Variants in GRID2 observed in about 807,000 individuals in gnomAD.
The protein encoded by GRID2 is glutamate receptor ionotropic, delta-2.
A neutral mutation model predicts 114.8 loss-of-function variants in GRID2; 33 were observed. The ratio of observed to expected loss-of-function variants is 0.29; its 90% CI spans 0.22 to 0.38. The LOEUF is 0.38. Ranked by LOEUF, GRID2 falls within the 10% of genes least tolerant of loss-of-function variation. The probability of loss-of-function intolerance (pLI) is 1.00; values close to 1 mark genes in which losing one functional copy is unlikely to be tolerated. For missense variants in GRID2, 1,184 were observed against 1,257.7 expected, an observed-to-expected ratio of 0.94 and a Z score of 0.89; for synonymous variants, 505 against 449.9, an observed-to-expected ratio of 1.12 and a Z score of -1.55.
chr4:93,390,592 A>G (rs1171116031), intron 8 of GRID2, among the ~76,000 whole-genome samples: 1 of 152,188 alleles, frequency 6.6e-6, no homozygotes, highest in Admixed American at 6.5e-5. Flanking sequence ...GTCTTCTTCT[A>G]GAGCTTCTTA....
chr4:92,766,490 T>C (rs1004124268), intron 2 of GRID2, among the ~76,000 whole-genome samples: 1 of 132,522 alleles, frequency 7.5e-6, no homozygotes, highest in African/African-American at 3.0e-5. Context: ...TGAGCCGAGA[T>C]AGTGCCACTG....
intron 2 of GRID2, among the ~76,000 whole-genome samples, chr4:92,647,195 T>C (rs1731689266): frequency 6.6e-6 from 1 of 152,180 alleles, no homozygotes. Context: ...ATCATGATAG[T>C]GTCTGCTGAT....
intron 2 of GRID2, among the ~76,000 whole-genome samples, chr4:92,765,977 C>G (rs2149348490): frequency 6.6e-6 from 1 of 152,230 alleles, no homozygotes; most frequent in East Asian, 1.9e-4. Context: ...AGAGACTGAC[C>G]TAGAAATAGA....
At chr4:93,344,973 A>G (rs2149251936) in intron 8 of GRID2, among the ~76,000 whole-genome samples, 1 of 142,932 alleles carries the variant, frequency 7.0e-6, no homozygotes, top group Admixed American at 7.3e-5. Flanking sequence ...TTAAAGGCTG[A>G]GTTGTATTCT....
intron 1 of GRID2, among the ~76,000 whole-genome samples, chr4:92,377,728 G>A (rs537651876): frequency 1.3e-5 from 2 of 152,288 alleles, no homozygotes; most frequent in Admixed American, 6.5e-5. Flanking sequence ...GTCGTGTCAT[G>A]TCAAGTGGAT....
At chr4:92,423,190 G>A (rs1560620466) in intron 1 of GRID2, among the ~76,000 whole-genome samples, 1 of 152,088 alleles carries the variant, frequency 6.6e-6, no homozygotes, top group Admixed American at 6.6e-5. Context: ...AATATATCCT[G>A]AATCTACCTT....
chr4:92,932,344 CACA>C (rs1750306413), intron 2 of GRID2, among the ~76,000 whole-genome samples: 1 of 151,126 alleles, frequency 6.6e-6, no homozygotes, highest in Non-Finnish European at 1.5e-5. Context: ...TAAGGTTTTG[CACA>C]ACTACAATGG....
At chr4:93,360,034 A>C (rs1305088270) in intron 8 of GRID2, among the ~76,000 whole-genome samples, 1 of 151,562 alleles carries the variant, frequency 6.6e-6, no homozygotes, top group Non-Finnish European at 1.5e-5. Flanking sequence ...TGACACGTAA[A>C]TCTTCTTTAA....
chr4:92,781,619 T>C (rs1739080498), intron 2 of GRID2, among the ~76,000 whole-genome samples: 1 of 152,096 alleles, frequency 6.6e-6, no homozygotes, highest in African/African-American at 2.4e-5. Flanking sequence ...TTTTTTGCAG[T>C]ATATAAGCTA....
chr4:92,515,752 G>A (rs114923419), intron 1 of GRID2, among the ~76,000 whole-genome samples: 1,531 of 151,966 alleles, frequency 0.01, 22 homozygotes, highest in African/African-American at 0.035. Flanking sequence ...GTTGAGCTTT[G>A]TTTTAAATAA....
At chr4:93,586,012 A>C (rs1395308332) in intron 13 of GRID2, among the ~76,000 whole-genome samples, 3 of 152,040 alleles carry the variant, frequency 2.0e-5, no homozygotes, top group Admixed American at 2.0e-4. Context: ...GAGTTTGTTA[A>C]TATCTGTTAA....
At chr4:93,796,448 G>A (rs374362761) in intron 1 of GRID2, among the ~76,000 whole-genome samples, 1 of 152,280 alleles carries the variant, frequency 6.6e-6, no homozygotes, top group East Asian at 1.9e-4. Flanking sequence ...AATCTATGTA[G>A]AGTGGTCAGA....
intron 2 of GRID2, among the ~76,000 whole-genome samples, chr4:92,888,601 A>G (rs1746534025): frequency 6.6e-6 from 1 of 152,130 alleles, no homozygotes; most frequent in Admixed American, 6.6e-5. Flanking sequence ...TTTACACACC[A>G]TATAATCAGT....
At chr4:93,659,329 G>A (rs539284448) in intron 14 of GRID2, among the ~76,000 whole-genome samples, 1 of 152,276 alleles carries the variant, frequency 6.6e-6, no homozygotes, top group East Asian at 1.9e-4. Flanking sequence ...GATGAATACT[G>A]CTTGTTTATA....
chr4:93,646,965 C>G (rs1003225642), intron 14 of GRID2, among the ~76,000 whole-genome samples: 11 of 152,026 alleles, frequency 7.2e-5, no homozygotes, highest in African/African-American at 2.7e-4. Flanking sequence ...GTTTAGTAAG[C>G]TTGAGATTTT....
chr4:93,718,057 C>T (rs577385125), intron 14 of GRID2, among the ~76,000 whole-genome samples: 4 of 152,214 alleles, frequency 2.6e-5, no homozygotes, highest in African/African-American at 9.6e-5. Flanking sequence ...AGATCGAGAC[C>T]ATCCTGGCTA....
At chr4:93,699,060 G>A (rs1217174817) in intron 14 of GRID2, among the ~76,000 whole-genome samples, 3 of 152,006 alleles carry the variant, frequency 2.0e-5, no homozygotes, top group Non-Finnish European at 2.9e-5. Context: ...CCTATAATTA[G>A]CTTCAACTCT....
Position 92,591,212 on chromosome 4 carries a change from C to T in GRID2, c.244+926C>T, listed in dbSNP as rs536664321. On this transcript the variant is annotated intron_variant, in intron 2 of 15. Transcript: ENST00000282020. ...ACAGGCCCAAGGGAACTTGCCTGCC[C>T]CTTCTGCCATTCGAGGACTCAGCAA... Among the ~76,000 whole-genome samples the T allele has an allele frequency of 2.0e-5, 3 of 152,204 alleles. No individual in the cohort carries two copies. The East Asian group carries it at 5.8e-4, about 29-fold the overall frequency.
At chr4:93,723,472 A>T (rs759555688) in intron 14 of GRID2, among the ~76,000 whole-genome samples, 17 of 152,226 alleles carry the variant, frequency 1.1e-4, no homozygotes, top group Admixed American at 2.6e-4. Context: ...ACCAATCAGA[A>T]TTGATGTTAG....
Sources: gnomAD v4.1 joint callset for allele counts (sites outside exome capture counted in the v4.1 genomes callset) on GRCh38, gnomAD v4.1.1 for gene constraint, MANE v1.5 for transcripts, NCBI Gene and HGNC (gene_info 2026-07-23, HGNC 2026-07-21) for gene names.